Variants in FAXDC2 observed in about 807,000 individuals in gnomAD.
The protein encoded by FAXDC2 is fatty acid hydroxylase domain-containing protein 2.
Under a neutral mutation model 40.9 loss-of-function variants are expected in FAXDC2, and 41 were observed. The observed-to-expected ratio is 1.00, with a 90% confidence interval of 0.78 to 1.30. The LOEUF is 1.30. Among genes scored for constraint, FAXDC2 ranks in the 50% most tolerant of loss-of-function variants. The probability of loss-of-function intolerance (pLI) is 0.00; values close to 1 mark genes in which losing one functional copy is unlikely to be tolerated. For synonymous variants in FAXDC2, 157 were observed against 149.3 expected (o/e 1.05, Z -0.38); for missense variants, 390 against 408.8 (o/e 0.95, Z 0.40).
chr5:154,822,382 C>T (rs988017108), intron 7 of FAXDC2, 90 bp downstream of exon 7: 21 of 829,534 alleles, frequency 2.5e-5, no homozygotes, highest in Non-Finnish European at 2.6e-5. Flanking sequence ...GAAAAAGGGC[C>T]GGTGTGGTCT....
intron 7 of FAXDC2, 82 bp downstream of exon 7, chr5:154,822,390 T>A: frequency 1.1e-6 from 1 of 937,692 alleles, no homozygotes; most frequent in Non-Finnish European, 1.7e-6. Context: ...GCCGGTGTGG[T>A]CTAAGTTCTC....
At position 154,821,417 on chromosome 5, in the gene FAXDC2, T is replaced by C; in HGVS notation, c.688A>G (p.Met230Val). Residue 230 changes from methionine to valine, a missense_variant, in exon 8 of 9, where the codon ATG becomes GTG. Transcript: ENST00000326080. ...AHPIEHAVSNMLPVIVGPLVM... is the reference protein window; with the variant it reads ...AHPIEHAVSNVLPVIVGPLVM... ...AATGGGCCCACTATCACCGGTAGCA[T>C]GTTGGAGACCTGCAAGAGGAGGGAT... is the stretch of plus-strand genomic sequence containing the variant. The C allele has an allele frequency of 1.2e-6, 2 of 1,611,408 alleles. No individual in the cohort carries two copies. Among genetic ancestry groups the C allele is most frequent in the Non-Finnish European group, 1.7e-6 (2 of 1,178,880 alleles).
At chr5:154,835,159 G>A in intron 2 of FAXDC2, 2 of 489,450 alleles carry the variant, frequency 4.1e-6, no homozygotes, top group South Asian at 5.0e-5. Context: ...AGCTCAAGTT[G>A]GGGGAGGGAA....
At chr5:154,824,360 G>A in intron 5 of FAXDC2, 2 of 635,602 alleles carry the variant, frequency 3.1e-6, no homozygotes, top group Non-Finnish European at 5.7e-6. Context: ...TGATGAACTT[G>A]TTTGGTTAGA....
At chr5:154,838,008 C>T in intron 2 of FAXDC2, 123 bp downstream of exon 2, 1 of 680,882 alleles carries the variant, frequency 1.5e-6, no homozygotes, top group Non-Finnish European at 2.6e-6. Context: ...AAAATGAAGA[C>T]ATTACCATGT....
At chr5:154,832,962 A>C (rs1279338465) in intron 4 of FAXDC2, among the ~76,000 whole-genome samples, 1 of 152,210 alleles carries the variant, frequency 6.6e-6, no homozygotes, top group Non-Finnish European at 1.5e-5. Flanking sequence ...GCTTTATAGC[A>C]ACTGACACTT....
Position 154,820,412 on chromosome 5 carries a change from C to G in FAXDC2, c.906G>C (p.Met302Ile), listed in dbSNP as rs752045343. Residue 302 changes from methionine to isoleucine, a missense_variant, in exon 9 of 9, where the codon ATG becomes ATC. Transcript: ENST00000326080. ...VLDHLHGTDTMFKQTKAYERH... is the reference protein window; with the variant it reads ...VLDHLHGTDTIFKQTKAYERH... Reference sequence around the variant, plus strand: ...TCTCGTAGGCCTTGGTCTGCTTGAACATGGTGTCAGTCCCATGGAGGTGGT... The same window carrying G: ...TCTCGTAGGCCTTGGTCTGCTTGAAGATGGTGTCAGTCCCATGGAGGTGGT... The G allele has an allele frequency of 8.1e-6, 13 of 1,612,888 alleles. No individual in the cohort carries two copies. Among genetic ancestry groups the G allele is most frequent in the South Asian group, 3.3e-5 (3 of 91,082 alleles).
chr5:154,821,154 CTAGCACTCACATGTAAACTGAGA>C (rs1281816254), intron 8 of FAXDC2, 83 bp downstream of exon 8: 1 of 942,600 alleles, frequency 1.1e-6, no homozygotes, highest in Non-Finnish European at 1.7e-6. Flanking sequence ...TCTTCCCCAA[CTAGCACTCACATGTAAACTGAGA>C]TACCAGTGCC....
At chr5:154,841,990 G>A (rs549360873) in intron 1 of FAXDC2, among the ~76,000 whole-genome samples, 19 of 152,042 alleles carry the variant, frequency 1.2e-4, no homozygotes, top group Non-Finnish European at 2.6e-4. Flanking sequence ...CACCTGCCTC[G>A]GCCTTCCAAA....
At chr5:154,830,764 T>C (rs370784194) in intron 5 of FAXDC2, 37 bp downstream of exon 5, 128 of 1,608,644 alleles carry the variant, frequency 8.0e-5, no homozygotes, top group Middle Eastern at 4.9e-4. Flanking sequence ...TGGCTCTTGC[T>C]TTCTGTGCTT....
chr5:154,834,397 C>G (rs1760266316), intron 4 of FAXDC2, among the ~76,000 whole-genome samples: 1 of 152,052 alleles, frequency 6.6e-6, no homozygotes, highest in Non-Finnish European at 1.5e-5. Flanking sequence ...TCTTATTTTT[C>G]TATATTTTGG....
At chr5:154,831,995 A>G (rs1016961976) in intron 4 of FAXDC2, among the ~76,000 whole-genome samples, 2 of 152,202 alleles carry the variant, frequency 1.3e-5, no homozygotes, top group African/African-American at 4.8e-5. Flanking sequence ...GGCTACATTA[A>G]TAGGCATGGA....
rs1201687338 is a variant in FAXDC2 at position 154,831,036 on chromosome 5, A to G, written c.245-114T>C. The G allele has an allele frequency of 2.9e-6, 4 of 1,375,928 alleles. No individual in the cohort carries two copies. In the Admixed American group the frequency reaches 7.3e-5, roughly 25 times the overall value. The allele number at this position is 1,375,928 out of a possible 1,614,324, so 85.2% of individuals were successfully genotyped here. A position where few individuals can be genotyped will look rare whatever the true frequency, so the allele number is the denominator to read the frequency against. Reference sequence around the variant, plus strand: ...GCTTCATCCTAGACATTTCTTTGCCAGGGAGGTCTTAGGGCTTGGGACCAA... The same window carrying G: ...GCTTCATCCTAGACATTTCTTTGCCGGGGAGGTCTTAGGGCTTGGGACCAA... On this transcript the variant is annotated intron_variant, in intron 4 of 8. Transcript: ENST00000326080.
chr5:154,832,791 C>A lies in FAXDC2; in HGVS notation c.244+1834G>T, dbSNP rs535160813. Among the ~76,000 whole-genome samples the A allele has an allele frequency of 5.3e-5, 8 of 152,146 alleles. No homozygotes were observed. In the South Asian group the frequency reaches 1.7e-3, roughly 32 times the overall value. ...AAATATTTGAGGTTTTTTTAGATTG[C>A]AGGTTCAAGCTAATAAAGTTTTTCT... On this transcript the variant is annotated intron_variant, in intron 4 of 8. Transcript: ENST00000326080.
intron 1 of FAXDC2, among the ~76,000 whole-genome samples, chr5:154,841,108 G>A (rs1760467057): frequency 6.6e-6 from 1 of 151,556 alleles, no homozygotes; most frequent in African/African-American, 2.4e-5. Context: ...AGGATGTTTG[G>A]TGTGGCGTAG....
intron 2 of FAXDC2, chr5:154,835,172 G>C: frequency 4.4e-6 from 2 of 456,600 alleles, no homozygotes; most frequent in South Asian, 5.4e-5. Flanking sequence ...GGAGGGAAGG[G>C]AATTAGCCTG....
In FAXDC2 at chr5:154,820,278, TGGCTGA is replaced by T; in HGVS notation, c.*32_*37del. 2.3e-5 allele frequency: 35 copies of T among 1,539,454 alleles called. No homozygotes were observed. Among genetic ancestry groups the T allele is most frequent in the Non-Finnish European group, 3.1e-5 (35 of 1,137,828 alleles). On this transcript the variant is annotated 3_prime_UTR_variant, in exon 9 of 9. Transcript: ENST00000326080. ...ATCAGGAAGCCGTGTCTGCATCCCATGGCTGAGGGACAGCCAGGATGACACTTAGGC... is the reference window on the plus strand; with the variant it reads ...ATCAGGAAGCCGTGTCTGCATCCCATGGGACAGCCAGGATGACACTTAGGC...
At chr5:154,843,040 T>G (rs577631467) in intron 1 of FAXDC2, among the ~76,000 whole-genome samples, 19 of 152,334 alleles carry the variant, frequency 1.2e-4, no homozygotes, top group African/African-American at 4.1e-4. Flanking sequence ...TTGGGAGATC[T>G]AAATGTCTGC....
At chr5:154,842,093 A>G (rs1216093540) in intron 1 of FAXDC2, among the ~76,000 whole-genome samples, 1 of 151,980 alleles carries the variant, frequency 6.6e-6, no homozygotes, top group Non-Finnish European at 1.5e-5. Flanking sequence ...AAAAGCATGG[A>G]TCATTAAGCA....
Sources: gnomAD v4.1 joint callset for allele counts (sites outside exome capture counted in the v4.1 genomes callset) on GRCh38, gnomAD v4.1.1 for gene constraint, MANE v1.5 for transcripts, NCBI Gene and HGNC (gene_info 2026-07-23, HGNC 2026-07-21) for gene names.